The following SAMD5 variants were observed in gnomAD, a reference collection of about 807,000 sequenced individuals.
SAMD5 encodes sterile alpha motif domain containing 5.
A neutral mutation model predicts 11.3 loss-of-function variants in SAMD5; 13 were observed. The observed-to-expected ratio is 1.15, with a 90% CI of 0.75 to 1.83. The LOEUF is 1.83. SAMD5 is among the 40% of genes most tolerant of loss of function. SAMD5 has a pLI of 0.00. For missense variants in SAMD5, 255 were observed against 239.1 expected (o/e 1.07, Z -0.44); for synonymous variants, 129 against 111.3 (o/e 1.16, Z -1.00).
At chr6:147,530,577 G>T (rs1018684264) in intron 1 of SAMD5, among the ~76,000 whole-genome samples, 1 of 152,194 alleles carries the variant, frequency 6.6e-6, no homozygotes, top group African/African-American at 2.4e-5. Context: ...AGCCACAACT[G>T]GCTTGTGGTT....
chr6:147,510,229 C>T (rs1220253286), intron 1 of SAMD5, among the ~76,000 whole-genome samples: 1 of 152,134 alleles, frequency 6.6e-6, no homozygotes, highest in Non-Finnish European at 1.5e-5. Context: ...GGGAAGGAAC[C>T]TGGAAGTTCC....
chr6:147,597,630 T>C (rs946528405), intron 1 of SAMD5, among the ~76,000 whole-genome samples: 4 of 152,224 alleles, frequency 2.6e-5, no homozygotes, highest in African/African-American at 9.7e-5. Context: ...TTTATTTATT[T>C]CAATAAAGCA....
At position 147,564,634 on chromosome 6, in the gene SAMD5, TA is replaced by T; in HGVS notation, c.*179del. The T allele has an allele frequency of 1.4e-6, 2 of 1,393,514 alleles. No homozygotes were observed. The highest frequency in any genetic ancestry group is 1.9e-6 in the Non-Finnish European group (2 of 1,073,778). The allele number at this position is 1,393,514 out of a possible 1,614,324, so 86.3% of individuals were successfully genotyped here. ...AACTTAGTAAACTGGGTAACTGGCT[TA>T]TAACAGCTAGAAATAAGGCAGTGAA... On this transcript the variant is annotated 3_prime_UTR_variant, in exon 2 of 2. Transcript: ENST00000367474.
chr6:147,914,083 G>T, the SAMD5 span, among the ~76,000 whole-genome samples: 1 of 152,010 alleles, frequency 6.6e-6, no homozygotes, highest in Non-Finnish European at 1.5e-5. Context: ...GCCGCATACG[G>T]CCCAGGATGG....
chr6:147,896,738 C>CAAAAA, the SAMD5 span, among the ~76,000 whole-genome samples: 38 of 55,310 alleles, frequency 6.9e-4, 1 homozygote, highest in Non-Finnish European at 9.3e-4. Flanking sequence ...GAACATTAAC[C>CAAAAA]AAAAAAAAAA....
At chr6:147,561,927 T>C (rs1562321086) in intron 1 of SAMD5, among the ~76,000 whole-genome samples, 4 of 152,246 alleles carry the variant, frequency 2.6e-5, no homozygotes, top group Admixed American at 6.5e-5. Context: ...TTTCTGTGAC[T>C]GCTCTCACAT....
chr6:147,598,273 C>T (rs1462426989), intron 1 of SAMD5, among the ~76,000 whole-genome samples: 1 of 151,974 alleles, frequency 6.6e-6, no homozygotes, highest in African/African-American at 2.4e-5. Flanking sequence ...TACATGTGTA[C>T]ACCACCACAC....
intron 1 of SAMD5, among the ~76,000 whole-genome samples, chr6:147,600,961 C>T (rs7776263): frequency 0.019 from 2,886 of 152,288 alleles, 85 homozygotes; most frequent in African/African-American, 0.066. Flanking sequence ...AAAACTAGAT[C>T]ATCACAATCG....
downstream of SAMD5, among the ~76,000 whole-genome samples, chr6:147,571,791 T>A (rs1041857521): frequency 3.3e-5 from 5 of 152,170 alleles, no homozygotes; most frequent in South Asian, 2.1e-4. Context: ...ACATTTAATT[T>A]AAAAAAATCC....
Position 147,511,502 on chromosome 6 carries a change from T to G in SAMD5, c.459+2115T>G, listed in dbSNP as rs76303117. ...AAAATAAATCCCATAGCAATAATGC[T>G]TGATAACAAAGATATGCTCCTATTC... On this transcript the variant is annotated intron_variant, in intron 1 of 1. Transcript: ENST00000367474. Among the ~76,000 whole-genome samples the G allele has an allele frequency of 5.1e-3, 784 of 152,356 alleles. 4 individuals are homozygous for G. Among genetic ancestry groups the G allele is most frequent in the African/African-American group, 0.017 (690 of 41,582 alleles).
the SAMD5 span, among the ~76,000 whole-genome samples, chr6:147,746,538 A>G: frequency 2.6e-5 from 4 of 152,224 alleles, no homozygotes; most frequent in Admixed American, 6.5e-5. Flanking sequence ...AAATGCCAAA[A>G]TAATTAGAGT....
chr6:147,928,062 A>G, the SAMD5 span, among the ~76,000 whole-genome samples: 1 of 152,100 alleles, frequency 6.6e-6, no homozygotes, highest in Non-Finnish European at 1.5e-5. Flanking sequence ...GCTGGATTCA[A>G]TTTACAAGTA....
chr6:147,901,302 G>A, the SAMD5 span, among the ~76,000 whole-genome samples: 1 of 152,212 alleles, frequency 6.6e-6, no homozygotes, highest in Non-Finnish European at 1.5e-5. Context: ...CAGTAGGATA[G>A]TTAATTGAAA....
intron 1 of SAMD5, among the ~76,000 whole-genome samples, chr6:147,585,400 A>G (rs1789359988): frequency 6.6e-6 from 1 of 152,254 alleles, no homozygotes; most frequent in South Asian, 2.1e-4. Context: ...CCCAAAGTCA[A>G]TAACTGATCT....
intron 1 of SAMD5, chr6:147,660,608 G>A (rs1392401055): frequency 1.3e-5 from 2 of 152,226 alleles, no homozygotes; most frequent in Admixed American, 6.5e-5. Flanking sequence ...TGGATCATAA[G>A]GGCGGATCTC....
chr6:147,928,974 G>C, the SAMD5 span, among the ~76,000 whole-genome samples: 3 of 140,832 alleles, frequency 2.1e-5, no homozygotes, highest in African/African-American at 8.6e-5. Context: ...ATGTGGTTTT[G>C]AGTGTTTTTT....
At chr6:147,639,753 A>G (rs1790282267) in intron 1 of SAMD5, among the ~76,000 whole-genome samples, 1 of 152,216 alleles carries the variant, frequency 6.6e-6, no homozygotes, top group Non-Finnish European at 1.5e-5. Context: ...AAATCATGAG[A>G]TAAGAGTTAT....
rs554181178 is a variant in SAMD5 at position 147,730,089 on chromosome 6, A to G, written c.163-7228A>G. 1,117 of 437,632 alleles carry G rather than the reference A, an allele frequency of 2.6e-3. 19 individuals carry two copies. Among genetic ancestry groups the G allele is most frequent in the African/African-American group, 0.02 (932 of 47,456 alleles). The allele number at this position is 437,632 out of a possible 1,614,324, so 27.1% of individuals were successfully genotyped here. On this transcript the variant is annotated intron_variant, in intron 1 of 1. Coordinates refer to the SAMD5 transcript ENST00000566741. ...GACTCTGTCTCAAAAAAAAAAAAAA[A>G]AAAGAAAAGAAAAAAAGAAAAGGAA...
chr6:147,679,300 A>C (rs560390879), intron 1 of SAMD5, among the ~76,000 whole-genome samples: 1 of 152,164 alleles, frequency 6.6e-6, no homozygotes, highest in Non-Finnish European at 1.5e-5. Context: ...GTAGCTTTAC[A>C]TTATAGTCAA....
Sources: allele counts gnomAD v4.1 joint callset (sites outside exome capture counted in the v4.1 genomes callset), GRCh38; gene constraint gnomAD v4.1.1; transcripts MANE v1.5; gene names NCBI Gene and HGNC (gene_info 2026-07-23, HGNC 2026-07-21).